The following ZNF98 variants were observed in gnomAD, a reference collection of about 807,000 sequenced individuals.
The protein encoded by ZNF98 is zinc finger protein 739.
ZNF98 carries 8 observed loss-of-function variants against 12.8 expected under a neutral mutation model. That is an observed-to-expected ratio of 0.63 (90% confidence interval 0.37 to 1.13). ZNF98 has a LOEUF of 1.13. ZNF98 is among the 50% of genes most tolerant of loss of function. ZNF98 has a pLI of 0.01. For missense variants in ZNF98, 379 were observed against 666.1 expected (o/e 0.57, Z 4.74); for synonymous variants, 112 against 223.5 (o/e 0.50, Z 4.45).
Position 22,417,164 on chromosome 19 carries a change from G to A in ZNF98, c.30+5031C>T, listed in dbSNP as rs1209814927. On this transcript the variant is annotated intron_variant, in intron 1 of 3. Transcript: ENST00000357774. ...GAATTACTTGAACCCAGGAAGCGGA[G>A]GTTGCGGTGAGCCAAGATCGCGCCA... Among the ~76,000 whole-genome samples, 3 of 148,132 alleles carry A rather than the reference G, an allele frequency of 2.0e-5. No homozygotes were observed. The East Asian group carries it at 6.0e-4, about 30-fold the overall frequency.
intron 1 of ZNF98, among the ~76,000 whole-genome samples, chr19:22,412,783 T>TGG (rs1969593606): frequency 6.6e-6 from 1 of 152,146 alleles, no homozygotes; most frequent in African/African-American, 2.4e-5. Context: ...TGGGGCGCAG[T>TGG]GGCTCACACC....
At position 22,391,394 on chromosome 19, in the gene ZNF98, T is replaced by G. The variant is rs1302340286; in HGVS notation, c.*122A>C. ...TAAAGGCTTTCCTGTGCAATAAGGT[T>G]TGAGCATTGTGTAAGTTTTGCCACA... On this transcript the variant is annotated 3_prime_UTR_variant, in exon 4 of 4. Coordinates refer to ENST00000357774, the MANE Select transcript of ZNF98 (RefSeq NM_001098626.2). 52 of 1,475,018 alleles carry G rather than the reference T, an allele frequency of 3.5e-5. No individual in the cohort carries two copies. Among genetic ancestry groups the G allele is most frequent in the Non-Finnish European group, 4.3e-5 (48 of 1,114,598 alleles). The allele number at this position is 1,475,018 out of a possible 1,614,324, so 91.4% of individuals were successfully genotyped here.
In ZNF98 at chr19:22,416,362, G is replaced by C. The variant is rs180987717; in HGVS notation, c.30+5833C>G. On this transcript the variant is annotated intron_variant, in intron 1 of 3. Transcript: ENST00000357774. ...GTGGGCATCTGTAGTCCCAGCTACT[G>C]GGGAGGCTGAGGCAGGAGAATGGCG... Among the ~76,000 whole-genome samples the C allele has an allele frequency of 7.5e-3, 1,134 of 151,648 alleles. 15 individuals are homozygous for C. Among genetic ancestry groups the C allele is most frequent in the African/African-American group, 0.026 (1,063 of 41,352 alleles).
chr19:22,403,509 C>T lies in ZNF98; in HGVS notation c.34G>A (p.Val12Met). ...AAGGCCACATCCCTAAATGTCAACACTCCCTGAAAAACATACAAACACACA... is the reference window on the plus strand; with the variant it reads ...AAGGCCACATCCCTAAATGTCAACATTCCCTGAAAAACATACAAACACACA... The part of the protein sequence containing the change: ...PGPLGSLEMG[V>M]LTFRDVALEF... Residue 12 changes from valine (V) to methionine (M), a missense_variant, in exon 2 of 4, where the codon GTG becomes ATG. This residue lies in a region of ZNF98 where 223 missense variants were observed against 261.6 expected (regional missense o/e 0.85). Coordinates refer to ENST00000357774, the MANE Select transcript of ZNF98 (RefSeq NM_001098626.2). The T allele has an allele frequency of 6.3e-7, 1 of 1,593,846 alleles. No homozygotes were observed. Among genetic ancestry groups the T allele is most frequent in the East Asian group, 2.2e-5 (1 of 44,756 alleles).
At chr19:22,417,320 G>A (rs10414591) in intron 1 of ZNF98, among the ~76,000 whole-genome samples, 64,709 of 150,600 alleles carry the variant, frequency 0.43, 14,127 homozygotes, top group Non-Finnish European at 0.46. Flanking sequence ...ACACTGAGGC[G>A]TAGTTGAGGT....
At chr19:22,402,175 CAAAAAA>C (rs869111485) in intron 3 of ZNF98, among the ~76,000 whole-genome samples, 4 of 60,508 alleles carry the variant, frequency 6.6e-5, no homozygotes, top group African/African-American at 2.6e-4. Flanking sequence ...GACTCCATCT[CAAAAAA>C]AAAAAAAAAA....
In ZNF98 at chr19:22,411,995, G is replaced by A. The variant is rs1246282218; in HGVS notation, c.31-8483C>T. On this transcript the variant is annotated intron_variant, in intron 1 of 3. Coordinates refer to ENST00000357774, the MANE Select transcript of ZNF98 (RefSeq NM_001098626.2). ...AATAGTGGGAGACTACAACACCCAT[G>A]GGCACTAATAGACACATTATTGAGG... Among the ~76,000 whole-genome samples the A allele has an allele frequency of 2.0e-5, 3 of 152,102 alleles. No homozygotes were observed. In the East Asian group the frequency reaches 5.8e-4, roughly 29 times the overall value.
chr19:22,403,110 A>C (rs1969477826), intron 2 of ZNF98, among the ~76,000 whole-genome samples: 1 of 152,086 alleles, frequency 6.6e-6, no homozygotes, highest in Non-Finnish European at 1.5e-5. Flanking sequence ...TTAGATTTTA[A>C]GATGTGGGCA....
chr19:22,395,064 TG>T (rs1228489514), intron 3 of ZNF98, among the ~76,000 whole-genome samples: 7 of 147,576 alleles, frequency 4.7e-5, no homozygotes, highest in Non-Finnish European at 1.0e-4. Flanking sequence ...CCCAGCTAAG[TG>T]GGAAGCTGAG....
rs71180550 is a variant in ZNF98, at chr19:22,415,956, GACACACACAC to G, written c.30+6229_30+6238del. 3.5e-4 allele frequency among the ~76,000 whole-genome samples: 39 copies of G among 111,344 alleles called. 1 individual carries two copies. The highest frequency in any genetic ancestry group is 5.7e-3 in the Middle Eastern group (1 of 174). The allele number at this position is 111,344 out of a possible 152,430, so 73.0% of individuals were successfully genotyped here. A position where few individuals can be genotyped will look rare whatever the true frequency, so the allele number is the denominator to read the frequency against. On this transcript the variant is annotated intron_variant, in intron 1 of 3. Transcript: ENST00000357774. Reference sequence around the variant, plus strand: ...TAAAAAAAAAAAAAAAAAAACTACAGACACACACACACACACACACACACACACACACACA... The same window carrying G: ...TAAAAAAAAAAAAAAAAAAACTACAGACACACACACACACACACACACACA...
intron 3 of ZNF98, among the ~76,000 whole-genome samples, chr19:22,396,927 C>T (rs1412602067): frequency 6.6e-6 from 1 of 151,982 alleles, no homozygotes; most frequent in African/African-American, 2.4e-5. Flanking sequence ...TCGAGACTGG[C>T]CTGGCCAACA....
intron 2 of ZNF98, 149 bp from the exon 3 acceptor site, chr19:22,403,033 T>C: frequency 1.6e-6 from 1 of 623,146 alleles, no homozygotes; most frequent in Non-Finnish European, 2.5e-6. Context: ...ATTTAGGAAA[T>C]ATTTTAATTT....
chr19:22,417,324 T>G (rs1453725307), intron 1 of ZNF98, among the ~76,000 whole-genome samples: 1 of 151,498 alleles, frequency 6.6e-6, no homozygotes, highest in Non-Finnish European at 1.5e-5. Flanking sequence ...TGAGGCGTAG[T>G]TGAGGTTAGA....
At chr19:22,420,041 T>C (rs1376603154) in intron 1 of ZNF98, among the ~76,000 whole-genome samples, 1 of 152,060 alleles carries the variant, frequency 6.6e-6, no homozygotes, top group Non-Finnish European at 1.5e-5. Flanking sequence ...TGCATGCCTG[T>C]AGTCCCAGCT....
intron 3 of ZNF98, 85 bp from the exon 4 acceptor site, chr19:22,393,066 AACT>A: frequency 7.5e-7 from 1 of 1,325,948 alleles, no homozygotes; most frequent in South Asian, 2.0e-5. Context: ...AAATTATACA[AACT>A]ACATCACAAG....
In ZNF98 at chr19:22,404,954, A is replaced by G. The variant is rs546900723; in HGVS notation, c.31-1442T>C. 1.4e-4 allele frequency among the ~76,000 whole-genome samples: 21 copies of G among 152,254 alleles called. No homozygotes were observed. The South Asian group carries it at 3.1e-3, about 23-fold the overall frequency. On this transcript the variant is annotated intron_variant, in intron 1 of 3. Coordinates refer to ENST00000357774, the MANE Select transcript of ZNF98 (RefSeq NM_001098626.2). The stretch of plus-strand genomic sequence containing the variant: ...TACTACGGACTCCAGCTTTTCCCCA[A>G]TAGGAATATTCAGTATCCACCCTTT...
chr19:22,395,453 G>C (rs1969380758), intron 3 of ZNF98, among the ~76,000 whole-genome samples: 2 of 151,266 alleles, frequency 1.3e-5, no homozygotes, highest in African/African-American at 2.4e-5. Flanking sequence ...ACTTCAGAAA[G>C]AAACCATAAA....
intron 1 of ZNF98, among the ~76,000 whole-genome samples, chr19:22,404,503 A>C (rs1969498089): frequency 6.6e-6 from 1 of 152,254 alleles, no homozygotes; most frequent in Non-Finnish European, 1.5e-5. Flanking sequence ...TCAATAATGA[A>C]GAGAAAAATA....
chr19:22,414,181 C>A (rs534273814), intron 1 of ZNF98, among the ~76,000 whole-genome samples: 2 of 135,888 alleles, frequency 1.5e-5, no homozygotes, highest in African/African-American at 5.7e-5. Flanking sequence ...TTACAGTGAA[C>A]CAAAATCATG....
Sources: gnomAD v4.1 joint callset for allele counts (sites outside exome capture counted in the v4.1 genomes callset) on GRCh38, gnomAD v4.1.1 for gene constraint, gnomAD v4.1.1 regional missense constraint, MANE v1.5 for transcripts, NCBI Gene and HGNC (gene_info 2026-07-23, HGNC 2026-07-21) for gene names.